Variants in SH3KBP1 observed in about 807,000 individuals in gnomAD.
SH3KBP1 encodes the protein SH3 domain-containing kinase-binding protein 1.
SH3KBP1 carries 8 observed loss-of-function variants against 50.1 expected under a neutral mutation model. The ratio of observed to expected loss-of-function variants is 0.16; its 90% CI spans 0.09 to 0.29. The LOEUF (loss-of-function observed/expected upper bound fraction) is 0.29. Ranked by LOEUF, SH3KBP1 falls within the 10% of genes least tolerant of loss-of-function variation. The pLI, the probability that SH3KBP1 is intolerant of heterozygous loss-of-function variation, is 1.00. For missense variants in SH3KBP1, 377 were observed against 535.2 expected (o/e 0.70, Z 2.92); for synonymous variants, 227 against 218.6 (o/e 1.04, Z -0.34).
At chrX:19,668,976 T>TATATA (rs1569405166) in intron 6 of SH3KBP1, among the ~76,000 whole-genome samples, 10 of 60,633 alleles carry the variant, frequency 1.6e-4, no homozygotes, top group Non-Finnish European at 3.0e-4. Flanking sequence ...ATATATATAT[T>TATATA]TTTTGAGACA....
chrX:19,733,681 C>T (rs774477312), intron 3 of SH3KBP1, among the ~76,000 whole-genome samples: 1 of 110,622 alleles, frequency 9.0e-6, no homozygotes, highest in Non-Finnish European at 1.9e-5. Flanking sequence ...TTTACTATTT[C>T]TGTGCATCAA....
chrX:19,656,266 A>G lies in SH3KBP1; in HGVS notation c.727-10791T>C, dbSNP rs115871714. ...GAAAAATAAGTAGAGGCATGGCCCA[A>G]TCAAATTTGTGAATTTAAGACAGAT... On this transcript the variant is annotated intron_variant, in intron 6 of 17. Coordinates refer to ENST00000397821, the MANE Select transcript of SH3KBP1 (RefSeq NM_031892.3). Among the ~76,000 whole-genome samples the G allele has an allele frequency of 4.0e-3, 446 of 111,935 alleles. 3 individuals are homozygous for G. Among genetic ancestry groups the G allele is most frequent in the African/African-American group, 0.014 (428 of 30,804 alleles).
rs183381877 is a variant in SH3KBP1, at chrX:19,673,139, G to A, written c.726+10684C>T. Among the ~76,000 whole-genome samples the A allele has an allele frequency of 1.0e-4, 11 of 109,815 alleles. No individual in the cohort carries two copies. The East Asian group carries it at 2.0e-3, about 20-fold the overall frequency. On this transcript the variant is annotated intron_variant, in intron 6 of 17. Transcript: ENST00000397821. The stretch of plus-strand genomic sequence containing the variant: ...CAAGACGTTAACAAGAGAGGAAGCC[G>A]GGTGTGAGGTATGTGGGAACTCTAT...
chrX:19,793,313 AATATAT>A (rs777838672), intron 2 of SH3KBP1, among the ~76,000 whole-genome samples: 2 of 96,970 alleles, frequency 2.1e-5, no homozygotes, highest in African/African-American at 3.9e-5. Context: ...AGGAAAAAAA[AATATAT>A]ATATATATAT....
At chrX:19,539,563 G>T (rs1175289080) in intron 16 of SH3KBP1, among the ~76,000 whole-genome samples, 1 of 112,061 alleles carries the variant, frequency 8.9e-6, no homozygotes. Context: ...GAGTTAATTG[G>T]GGAAAGCAGT....
At chrX:19,595,057 CAGA>C in intron 9 of SH3KBP1, 57 bp from the exon 10 acceptor site, 2 of 824,808 alleles carry the variant, frequency 2.4e-6, no homozygotes, top group Non-Finnish European at 3.7e-6. Context: ...TGTCCTCTCA[CAGA>C]AGGACCACAG....
Position 19,873,273 on chromosome X carries a change from CATATATATATATATATGTATATATAT to C in SH3KBP1, c.4+14008_4+14033del, listed in dbSNP as rs954295291. ...GACTATGAAGTGGAAAAAACAAGGA[CATATATATATATATATGTATATATAT>C]ATATATATATATACATATACATATA... is the stretch of plus-strand genomic sequence containing the variant. On this transcript the variant is annotated intron_variant, in intron 1 of 17. Transcript: ENST00000397821. Among the ~76,000 whole-genome samples the C allele has an allele frequency of 2.0e-3, 161 of 78,601 alleles. 4 individuals are homozygous for C. The highest frequency in any genetic ancestry group is 2.5e-3 in the Non-Finnish European group (103 of 41,959). 68.3% of individuals were successfully genotyped at this position (78,601 alleles called of 115,157 possible).
chrX:19,587,361 T>C lies in SH3KBP1; in HGVS notation c.1298+1282A>G, dbSNP rs1179983717. The stretch of plus-strand genomic sequence containing the variant: ...AGGGGGTAAATGGGGAGTCACTGTT[T>C]AAAGGGTGCAGAATTTCAGATTTAC... On this transcript the variant is annotated intron_variant, in intron 12 of 17. Coordinates refer to ENST00000397821, the MANE Select transcript of SH3KBP1 (RefSeq NM_031892.3). 2.7e-5 allele frequency among the ~76,000 whole-genome samples: 3 copies of C among 110,550 alleles called. No individual in the cohort carries two copies. In the Admixed American group the frequency reaches 2.9e-4, roughly 11 times the overall value.
At chrX:19,799,690 G>T (rs775052763) in intron 2 of SH3KBP1, 1 of 1,209,695 alleles carries the variant, frequency 8.3e-7, no homozygotes, top group African/African-American at 1.7e-5. Context: ...TCCATTCTGT[G>T]AAGTATGAAA....
At chrX:19,707,466 A>C (rs1001237940) in intron 3 of SH3KBP1, among the ~76,000 whole-genome samples, 3 of 111,856 alleles carry the variant, frequency 2.7e-5, no homozygotes, top group African/African-American at 9.8e-5. Flanking sequence ...CCCTTTCAAC[A>C]TACGGGAACT....
At chrX:19,572,989 A>C (rs902484147) in intron 12 of SH3KBP1, among the ~76,000 whole-genome samples, 1 of 111,488 alleles carries the variant, frequency 9.0e-6, no homozygotes, top group African/African-American at 3.3e-5. Flanking sequence ...GGTGATTTCC[A>C]CCACCCAGTT....
chrX:19,812,665 CA>C (rs57012379), intron 2 of SH3KBP1, among the ~76,000 whole-genome samples: 10,448 of 35,213 alleles, frequency 0.3, 1,607 homozygotes, highest in African/African-American at 0.52. Context: ...CCCGTCTCTA[CA>C]AAAAAAAAAA....
At position 19,534,620 on chromosome X, in the gene SH3KBP1, C is replaced by T. The variant is rs959432269; in HGVS notation, c.*1797G>A. 47 of 274,297 alleles carry T rather than the reference C, an allele frequency of 1.7e-4. No individual in the cohort carries two copies. Among genetic ancestry groups the T allele is most frequent in the African/African-American group, 1.2e-3 (43 of 35,783 alleles). The allele number at this position is 274,297 out of a possible 1,213,427, so 22.6% of individuals were successfully genotyped here. ...GGATGTTTTACGCTGCTCTTGGGAA[C>T]CTGGCACTCCTGACCCCAAGCACAC... On this transcript the variant is annotated 3_prime_UTR_variant, in exon 18 of 18. Transcript: ENST00000397821.
At chrX:19,559,941 C>A (rs768422152) in intron 13 of SH3KBP1, among the ~76,000 whole-genome samples, 38 of 110,815 alleles carry the variant, frequency 3.4e-4, no homozygotes, top group African/African-American at 1.2e-3. Context: ...TTAAAAAAAT[C>A]AAAATAATTC....
chrX:19,817,133 G>A (rs1304064123), intron 2 of SH3KBP1, among the ~76,000 whole-genome samples: 1 of 111,764 alleles, frequency 8.9e-6, no homozygotes, highest in Non-Finnish European at 1.9e-5. Flanking sequence ...TTATCTATAT[G>A]TGTATTCCTG....
chrX:19,655,507 C>T (rs1477513930), intron 6 of SH3KBP1, among the ~76,000 whole-genome samples: 1 of 111,934 alleles, frequency 8.9e-6, no homozygotes, highest in East Asian at 2.8e-4. Context: ...GAAATCATGT[C>T]CTTTGCAGCA....
intron 2 of SH3KBP1, among the ~76,000 whole-genome samples, chrX:19,805,893 T>G (rs2067030606): frequency 8.9e-6 from 1 of 112,119 alleles, no homozygotes; most frequent in Non-Finnish European, 1.9e-5. Flanking sequence ...AAAGGAACTA[T>G]GCACACAGTG....
intron 3 of SH3KBP1, among the ~76,000 whole-genome samples, chrX:19,741,019 C>G (rs368771455): frequency 3.3e-4 from 37 of 112,843 alleles, no homozygotes; most frequent in African/African-American, 1.1e-3. Context: ...AGGTAGCAGA[C>G]CAAACTGGAG....
At chrX:19,714,477 T>C (rs2063854085) in intron 3 of SH3KBP1, among the ~76,000 whole-genome samples, 1 of 108,183 alleles carries the variant, frequency 9.2e-6, no homozygotes, top group African/African-American at 3.4e-5. Flanking sequence ...TATACACCTA[T>C]GTACCTACAA....
Sources: gnomAD v4.1 joint callset for allele counts (sites outside exome capture counted in the v4.1 genomes callset) on GRCh38, gnomAD v4.1.1 for gene constraint, MANE v1.5 for transcripts, NCBI Gene and HGNC (gene_info 2026-07-23, HGNC 2026-07-21) for gene names.